Variants in XXYLT1 observed in about 807,000 individuals in gnomAD.
XXYLT1 encodes the protein xyloside xylosyltransferase 1, also known as UDP-xylose:alpha-xyloside alpha-1,3-xylosyltransferase.
Under a neutral mutation model 28.9 loss-of-function variants are expected in XXYLT1, and 20 were observed. The ratio of observed to expected loss-of-function variants is 0.69; its 90% confidence interval spans 0.49 to 1.00. The LOEUF is 1.00. Ranked by LOEUF, XXYLT1 falls within the 50% of genes least tolerant of loss-of-function variation. The pLI is 0.00. For missense variants in XXYLT1, 542 were observed against 560.1 expected, an observed-to-expected ratio of 0.97 and a Z score of 0.33; for synonymous variants, 257 against 253.8, an observed-to-expected ratio of 1.01 and a Z score of -0.12.
chr3:195,232,227 A>G (rs1258212949), intron 1 of XXYLT1, among the ~76,000 whole-genome samples: 4 of 151,944 alleles, frequency 2.6e-5, no homozygotes, highest in Non-Finnish European at 5.9e-5. Context: ...ATGAGTTGTA[A>G]TATCTCCTTT....
intron 3 of XXYLT1, chr3:195,154,021 AG>A (rs957799556): frequency 1.3e-5 from 2 of 152,378 alleles, no homozygotes; most frequent in Non-Finnish European, 2.9e-5. Flanking sequence ...AAAGGCCCCA[AG>A]GTGGCAGAGC....
intron 3 of XXYLT1, among the ~76,000 whole-genome samples, chr3:195,145,966 G>C (rs1719822437): frequency 6.6e-6 from 1 of 152,234 alleles, no homozygotes; most frequent in Admixed American, 6.5e-5. Context: ...ATTTAAAGAA[G>C]TCACCTAAGG....
chr3:195,081,308 T>C (rs759783766), intron 3 of XXYLT1, among the ~76,000 whole-genome samples: 16 of 152,298 alleles, frequency 1.1e-4, no homozygotes, highest in African/African-American at 3.8e-4. Context: ...ACAGGTGGCA[T>C]AGCAATTTGC....
chr3:195,253,485 T>C (rs1388375622), intron 1 of XXYLT1, among the ~76,000 whole-genome samples: 2 of 150,364 alleles, frequency 1.3e-5, no homozygotes, highest in Non-Finnish European at 3.0e-5. Context: ...CTTCAACTGC[T>C]CACATTTCTT....
chr3:195,105,379 C>G (rs1717026325), intron 3 of XXYLT1, among the ~76,000 whole-genome samples: 1 of 152,238 alleles, frequency 6.6e-6, no homozygotes, highest in East Asian at 1.9e-4. Context: ...GATCCTGTGA[C>G]TGGAGAGTAC....
intron 3 of XXYLT1, among the ~76,000 whole-genome samples, chr3:195,080,601 C>T (rs1420639563): frequency 6.6e-6 from 1 of 152,170 alleles, no homozygotes; most frequent in African/African-American, 2.4e-5. Context: ...CAGAGGGTCA[C>T]CTTCAGAATC....
chr3:195,112,569 GCACA>G (rs1190603704), intron 3 of XXYLT1, among the ~76,000 whole-genome samples: 2 of 143,428 alleles, frequency 1.4e-5, no homozygotes, highest in South Asian at 2.2e-4. Context: ...ATGAAGCAGT[GCACA>G]CACACGCACG....
At chr3:195,199,146 T>C (rs141294111) in intron 2 of XXYLT1, among the ~76,000 whole-genome samples, 1 of 151,970 alleles carries the variant, frequency 6.6e-6, no homozygotes, top group Non-Finnish European at 1.5e-5. Flanking sequence ...AGGATAGGAA[T>C]GAGCATGGCC....
At chr3:195,251,301 G>A (rs544810540) in intron 1 of XXYLT1, among the ~76,000 whole-genome samples, 22 of 152,366 alleles carry the variant, frequency 1.4e-4, no homozygotes, top group East Asian at 5.8e-4. Context: ...AGAGCCAAGC[G>A]GTCACCCAAA....
intron 1 of XXYLT1, among the ~76,000 whole-genome samples, chr3:195,254,321 C>T (rs941182633): frequency 6.6e-6 from 1 of 152,214 alleles, no homozygotes; most frequent in African/African-American, 2.4e-5. Flanking sequence ...GACGCAGGCT[C>T]GAAGCCTGAC....
At chr3:195,072,114 G>A (rs1326287302) in intron 3 of XXYLT1, among the ~76,000 whole-genome samples, 1 of 152,166 alleles carries the variant, frequency 6.6e-6, no homozygotes, top group East Asian at 1.9e-4. Flanking sequence ...CAGCACAGCA[G>A]GGCCACAGGA....
In XXYLT1 at chr3:195,204,716, G is replaced by A. The variant is rs148900029; in HGVS notation, c.652+21993C>T. On this transcript the variant is annotated intron_variant, in intron 2 of 3. Transcript: ENST00000310380. Reference sequence around the variant, plus strand: ...CGCAATGTGCTGCAGAAGCCAAGACGAACTTCATTAACACGCTTGACCTGT... The same window carrying A: ...CGCAATGTGCTGCAGAAGCCAAGACAAACTTCATTAACACGCTTGACCTGT... Among the ~76,000 whole-genome samples the A allele has an allele frequency of 8.5e-5, 13 of 152,260 alleles. No homozygotes were observed. In the East Asian group the frequency reaches 1.9e-3, roughly 23 times the overall value.
At position 195,253,983 on chromosome 3, in the gene XXYLT1, G is replaced by A. The variant is rs570619059; in HGVS notation, c.504+16572C>T. On this transcript the variant is annotated intron_variant, in intron 1 of 3. Transcript: ENST00000310380. ...TTAAAGGGTAACACCAGAGGGAAAC[G>A]GTGCTCTCGGACAAGTCACGGGGGT... Among the ~76,000 whole-genome samples the A allele has an allele frequency of 8.5e-5, 13 of 152,314 alleles. No individual in the cohort carries two copies. In the East Asian group the frequency reaches 1.2e-3, roughly 14 times the overall value.
chr3:195,230,289 T>C (rs1724243716), intron 1 of XXYLT1, among the ~76,000 whole-genome samples: 1 of 152,254 alleles, frequency 6.6e-6, no homozygotes, highest in South Asian at 2.1e-4. Context: ...TATTAATCCC[T>C]TGTCAGATAG....
Position 195,256,441 on chromosome 3 carries a change from AG to A in XXYLT1, c.504+14113del, listed in dbSNP as rs1202633731. 1.0e-6 allele frequency: 1 copy of A among 964,760 alleles called. No homozygotes were observed. Among genetic ancestry groups the A allele is most frequent in the Non-Finnish European group, 1.2e-6 (1 of 811,252 alleles). 59.8% of individuals were successfully genotyped at this position (964,760 alleles called of 1,614,324 possible). A position where few individuals can be genotyped will look rare whatever the true frequency, so the allele number is the denominator to read the frequency against. On this transcript the variant is annotated intron_variant, in intron 1 of 3. Transcript: ENST00000310380. The surrounding 1 kb of genome is among the most constrained non-coding windows in gnomAD (Gnocchi z 4.2). ...CCTGAGGTGCGGCCCTGCACAGGGC[AG>A]GGCCCGAGAAACGAACCAGTACCTC...
At chr3:195,134,595 A>G (rs1182175608) in intron 3 of XXYLT1, 1 of 155,918 alleles carries the variant, frequency 6.4e-6, no homozygotes, top group African/African-American at 2.4e-5. Context: ...ATGCTACTGT[A>G]ATGAATCAGC....
intron 3 of XXYLT1, among the ~76,000 whole-genome samples, chr3:195,114,313 A>C (rs869520): frequency 0.69 from 105,331 of 151,872 alleles, 36,854 homozygotes; most frequent in Middle Eastern, 0.72. Context: ...ACACCATTGC[A>C]CCCAAAATGG....
At chr3:195,184,258 G>C (rs1722078416) in intron 2 of XXYLT1, among the ~76,000 whole-genome samples, 1 of 152,176 alleles carries the variant, frequency 6.6e-6, no homozygotes, top group African/African-American at 2.4e-5. Context: ...CTTGGCAATT[G>C]CTTCAGTTTT....
intron 2 of XXYLT1, among the ~76,000 whole-genome samples, chr3:195,194,474 T>G (rs1182142883): frequency 6.6e-6 from 1 of 152,098 alleles, no homozygotes; most frequent in Non-Finnish European, 1.5e-5. Context: ...GAAGGGAATA[T>G]AAATGAGTAC....
Sources: gnomAD v4.1 joint callset for allele counts (sites outside exome capture counted in the v4.1 genomes callset) on GRCh38, gnomAD v4.1.1 for gene constraint, Gnocchi (gnomAD v3.1) non-coding constraint, MANE v1.5 for transcripts, NCBI Gene and HGNC (gene_info 2026-07-23, HGNC 2026-07-21) for gene names.